TENM4: variants seen among roughly 807,000 people sequenced by gnomAD.
The protein encoded by TENM4 is teneurin transmembrane protein 4.
In TENM4, 82 loss-of-function variants were observed where a neutral mutation model predicts 243.3. The observed-to-expected ratio is 0.34, with a 90% CI of 0.28 to 0.40. The LOEUF is 0.40. Among genes scored for constraint, TENM4 ranks in the 10% least tolerant of loss-of-function variants. TENM4 has a pLI of 1.00. For missense variants in TENM4, 3,138 were observed against 3,673.3 expected, an observed-to-expected ratio of 0.85 and a Z score of 3.77; for synonymous variants, 1,412 against 1,456.3, an observed-to-expected ratio of 0.97 and a Z score of 0.69.
At chr11:79,123,944 A>G (rs916430810) in intron 4 of TENM4, among the ~76,000 whole-genome samples, 3 of 152,168 alleles carry the variant, frequency 2.0e-5, no homozygotes, top group Non-Finnish European at 4.4e-5. Flanking sequence ...AGATCACTCA[A>G]CAGGGAAAAC....
intron 3 of TENM4, among the ~76,000 whole-genome samples, chr11:79,169,601 A>G (rs935136631): frequency 3.3e-5 from 5 of 152,166 alleles, no homozygotes; most frequent in African/African-American, 1.2e-4. Flanking sequence ...AGTTTTCTTG[A>G]CAAGATCCAG....
At chr11:79,043,987 C>T (rs764470689) in intron 6 of TENM4, among the ~76,000 whole-genome samples, 19 of 152,258 alleles carry the variant, frequency 1.2e-4, no homozygotes, top group Middle Eastern at 3.4e-3. Context: ...TGCACTAAGC[C>T]ATAATCCCAC....
intron 26 of TENM4, 77 bp from the exon 27 acceptor site, chr11:78,708,592 C>T: frequency 6.6e-7 from 1 of 1,510,472 alleles, no homozygotes; most frequent in East Asian, 2.4e-5. Context: ...GCCTTGCTAA[C>T]TGACAGAGCA....
intron 19 of TENM4, among the ~76,000 whole-genome samples, chr11:78,741,321 GAAAC>G (rs1855924905): frequency 6.6e-6 from 1 of 151,772 alleles, no homozygotes; most frequent in African/African-American, 2.4e-5. Context: ...AAAAAAAAAA[GAAAC>G]AAAAAGAAAA....
At chr11:78,984,183 T>G (rs1265579536) in intron 6 of TENM4, among the ~76,000 whole-genome samples, 1 of 152,210 alleles carries the variant, frequency 6.6e-6, no homozygotes, top group East Asian at 1.9e-4. Flanking sequence ...GGTGACTTAA[T>G]CTCTCTGAGC....
intron 1 of TENM4, among the ~76,000 whole-genome samples, chr11:79,414,157 T>TACACACACAC: frequency 6.6e-6 from 1 of 150,850 alleles, no homozygotes; most frequent in South Asian, 2.1e-4. Flanking sequence ...CACACATGTG[T>TACACACACAC]ACACACACAC....
At chr11:79,020,207 T>A (rs1011578574) in intron 6 of TENM4, among the ~76,000 whole-genome samples, 1 of 152,220 alleles carries the variant, frequency 6.6e-6, no homozygotes, top group African/African-American at 2.4e-5. Context: ...GAGAGCCCCC[T>A]TGCTGGAGAG....
At chr11:79,108,821 G>A (rs1355129989) in intron 4 of TENM4, among the ~76,000 whole-genome samples, 4 of 152,158 alleles carry the variant, frequency 2.6e-5, no homozygotes, top group African/African-American at 7.2e-5. Context: ...ACCTGGAAAC[G>A]GTGGAAAATT....
At chr11:78,717,710 C>T (rs550586441) in intron 25 of TENM4, among the ~76,000 whole-genome samples, 10 of 152,318 alleles carry the variant, frequency 6.6e-5, no homozygotes, top group African/African-American at 1.2e-4. Flanking sequence ...AGATTTGGTG[C>T]ACAGTGGAAA....
Position 78,855,997 on chromosome 11 carries a change from A to G in TENM4, c.1437T>C (p.Tyr479=), listed in dbSNP as rs1337309980. ...SLGKAALVGI[Y]GRKGLPPSHT... ...GTGAAGGAGGGAGGCCTTTTCTGCC[A>G]TAAATGCCAACCAGGGCTGCCTTTC... is the stretch of plus-strand genomic sequence containing the variant. The change falls in exon 11 of 34, where the codon TAT becomes TAC. Residue 479 remains tyrosine (Y), a synonymous_variant. Coordinates refer to ENST00000278550, the MANE Select transcript of TENM4 (RefSeq NM_001098816.3). 1 of 1,551,606 alleles carries G rather than the reference A, an allele frequency of 6.4e-7. No homozygotes were observed. The highest frequency in any genetic ancestry group is 8.7e-7 in the Non-Finnish European group (1 of 1,147,012).
At chr11:79,114,605 G>A (rs1320102875) in intron 4 of TENM4, among the ~76,000 whole-genome samples, 1 of 152,212 alleles carries the variant, frequency 6.6e-6, no homozygotes, top group African/African-American at 2.4e-5. Context: ...GTCACAGAGG[G>A]CCAACACTCA....
chr11:78,885,891 C>G (rs1855537748), intron 9 of TENM4, among the ~76,000 whole-genome samples: 1 of 152,184 alleles, frequency 6.6e-6, no homozygotes, highest in Admixed American at 6.5e-5. Context: ...TGCCGGTGCA[C>G]TCCAGCTTGG....
chr11:78,733,211 G>T (rs1040695891), intron 20 of TENM4, among the ~76,000 whole-genome samples: 2 of 152,234 alleles, frequency 1.3e-5, no homozygotes, highest in African/African-American at 4.8e-5. Flanking sequence ...TATCTTACAA[G>T]TGAAAGGAGA....
chr11:78,960,993 C>T (rs1302978623), intron 6 of TENM4, among the ~76,000 whole-genome samples: 1 of 152,202 alleles, frequency 6.6e-6, no homozygotes, highest in African/African-American at 2.4e-5. Context: ...GGCCACTTGA[C>T]CCTTGAAGAA....
At chr11:79,044,355 A>G (rs1859608507) in intron 6 of TENM4, among the ~76,000 whole-genome samples, 1 of 152,248 alleles carries the variant, frequency 6.6e-6, no homozygotes, top group African/African-American at 2.4e-5. Context: ...CTAGCAGGCC[A>G]AATCTAGCTA....
intron 2 of TENM4, among the ~76,000 whole-genome samples, chr11:79,280,527 A>G (rs903691150): frequency 6.6e-6 from 1 of 152,200 alleles, no homozygotes; most frequent in Non-Finnish European, 1.5e-5. Context: ...CACACAGGGA[A>G]GAAGCGAGCC....
intron 9 of TENM4, among the ~76,000 whole-genome samples, chr11:78,875,746 T>C (rs967062648): frequency 6.6e-6 from 1 of 152,206 alleles, no homozygotes; most frequent in Non-Finnish European, 1.5e-5. Context: ...GTGCCCCTGT[T>C]TGCACTTAAC....
At chr11:79,263,211 T>C (rs144870530) in intron 2 of TENM4, among the ~76,000 whole-genome samples, 94 of 152,320 alleles carry the variant, frequency 6.2e-4, no homozygotes, top group African/African-American at 2.2e-3. Flanking sequence ...TGTCCACAAC[T>C]GTGGGCCCCG....
At chr11:78,978,546 G>A (rs990656331) in intron 6 of TENM4, among the ~76,000 whole-genome samples, 6 of 152,214 alleles carry the variant, frequency 3.9e-5, no homozygotes, top group African/African-American at 1.4e-4. Flanking sequence ...ACCAAAGTGG[G>A]CAGGCTCTCT....
Sources: allele counts gnomAD v4.1 joint callset (sites outside exome capture counted in the v4.1 genomes callset), GRCh38; gene constraint gnomAD v4.1.1; transcripts MANE v1.5; gene names NCBI Gene and HGNC (gene_info 2026-07-23, HGNC 2026-07-21).